QTGAL: variants seen among roughly 807,000 people sequenced by gnomAD.
QTGAL encodes BGnT-like protein 1.
chr17:83,000,065 C>T, the QTGAL span, among the ~76,000 whole-genome samples: 5 of 152,122 alleles, frequency 3.3e-5, no homozygotes, highest in Non-Finnish European at 7.4e-5. Context: ...TGGGTTCAAG[C>T]GATTCTCCTG....
the QTGAL span, chr17:82,961,080 C>A: frequency 6.2e-7 from 1 of 1,610,258 alleles, no homozygotes. Flanking sequence ...GCGTGGCCGC[C>A]TGTGGGTGGT....
At chr17:83,006,776 G>C in the QTGAL span, 1 of 985,484 alleles carries the variant, frequency 1.0e-6, no homozygotes. This position sits in a 1 kb window ranked among gnomAD's most constrained non-coding sequence, Gnocchi z 5.8. Context: ...GTCAGGTCCT[G>C]TGCTGGCGAT....
chr17:82,957,637 C>G, the QTGAL span: 1 of 1,229,756 alleles, frequency 8.1e-7, no homozygotes, highest in Non-Finnish European at 1.1e-6. Context: ...GACTGGCTGT[C>G]CTACAGTCAG....
chr17:83,029,824 G>A, the QTGAL span, among the ~76,000 whole-genome samples: 5 of 152,154 alleles, frequency 3.3e-5, no homozygotes, highest in East Asian at 1.9e-4. Context: ...CCTCTCCAGC[G>A]CAAGCACCAC....
chr17:82,992,042 T>C, the QTGAL span, among the ~76,000 whole-genome samples: 1 of 151,988 alleles, frequency 6.6e-6, no homozygotes, highest in Non-Finnish European at 1.5e-5. Context: ...TAAACAATAA[T>C]GAAGCATGCC....
At chr17:83,035,173 TATG>T in the QTGAL span, 6 of 1,290,434 alleles carry the variant, frequency 4.6e-6, no homozygotes, top group Non-Finnish European at 6.5e-6. Context: ...GAGCTTAGTA[TATG>T]ATATTCTTTT....
chr17:83,005,317 C>G, the QTGAL span: 1 of 973,884 alleles, frequency 1.0e-6, no homozygotes, highest in Admixed American at 2.4e-5. The surrounding 1 kb of genome is among the most constrained non-coding windows in gnomAD (Gnocchi z 5.6). Context: ...GATGTCCAGA[C>G]AGGAAACTGA....
chr17:82,991,342 G>A, the QTGAL span, among the ~76,000 whole-genome samples: 1 of 152,136 alleles, frequency 6.6e-6, no homozygotes, highest in Non-Finnish European at 1.5e-5. Context: ...TGAATCATGA[G>A]GGCAGTTTCC....
the QTGAL span, among the ~76,000 whole-genome samples, chr17:83,031,215 G>A: frequency 3.9e-5 from 6 of 152,166 alleles, no homozygotes; most frequent in African/African-American, 7.2e-5. Context: ...ATCAGAGGCC[G>A]GCAGGGAAGG....
At chr17:82,950,625 C>T in the QTGAL span, among the ~76,000 whole-genome samples, 44,810 of 152,034 alleles carry the variant, frequency 0.29, 6,831 homozygotes, top group Admixed American at 0.35. Context: ...CTATCTTTGG[C>T]GGCTACGGCC....
At chr17:83,040,353 A>G in the QTGAL span, among the ~76,000 whole-genome samples, 30,849 of 152,150 alleles carry the variant, frequency 0.2, 3,287 homozygotes, top group Non-Finnish European at 0.24. Flanking sequence ...TTTCAGCCCC[A>G]TGCAATATAG....
chr17:83,048,790 A>G, the QTGAL span: 1 of 1,606,616 alleles, frequency 6.2e-7, no homozygotes, highest in East Asian at 2.2e-5. Context: ...AATAGACTGG[A>G]ATTCAAAAGA....
At chr17:82,946,569 A>AGTGTGTGTGTGT in the QTGAL span, among the ~76,000 whole-genome samples, 24,086 of 150,248 alleles carry the variant, frequency 0.16, 1,985 homozygotes, top group Middle Eastern at 0.22. Flanking sequence ...ACAGAACCCA[A>AGTGTGTGTGTGT]GTGTGTGTGT....
the QTGAL span, chr17:83,006,346 G>C: frequency 2.2e-5 from 22 of 985,494 alleles, no homozygotes; most frequent in Non-Finnish European, 2.7e-5. The surrounding 1 kb of genome is among the most constrained non-coding windows in gnomAD (Gnocchi z 5.8). Context: ...GCTTGGGGGA[G>C]GCTTCTGTTT....
the QTGAL span, among the ~76,000 whole-genome samples, chr17:82,969,543 C>T: frequency 5.9e-5 from 9 of 152,182 alleles, no homozygotes; most frequent in Admixed American, 4.6e-4. Flanking sequence ...TGGTGGTGCA[C>T]GCGCCAGTGG....
the QTGAL span, among the ~76,000 whole-genome samples, chr17:82,990,595 C>T: frequency 6.6e-6 from 1 of 152,200 alleles, no homozygotes; most frequent in Non-Finnish European, 1.5e-5. Context: ...ATTCCAAATC[C>T]ATCATTATAG....
the QTGAL span, among the ~76,000 whole-genome samples, chr17:82,998,167 C>A: frequency 2.6e-3 from 388 of 151,830 alleles, 1 homozygote; most frequent in Non-Finnish European, 4.4e-3. Flanking sequence ...TGACGGATAC[C>A]CCATTTACCC....
the QTGAL span, among the ~76,000 whole-genome samples, chr17:82,953,376 C>T: frequency 6.6e-6 from 1 of 152,242 alleles, no homozygotes; most frequent in South Asian, 2.1e-4. Context: ...TCAGAGAATA[C>T]TATAAACACC....
chr17:82,945,911 CAT>C, the QTGAL span: 1 of 152,166 alleles, frequency 6.6e-6, no homozygotes, highest in South Asian at 2.1e-4. Context: ...ACCATAAAAA[CAT>C]AGAAAGATGG....
Sources: gnomAD v4.1 joint callset for allele counts (sites outside exome capture counted in the v4.1 genomes callset) on GRCh38, gnomAD v4.1.1 for gene constraint, Gnocchi (gnomAD v3.1) non-coding constraint, MANE v1.5 for transcripts, NCBI Gene and HGNC (gene_info 2026-07-23, HGNC 2026-07-21) for gene names.